Variants in CLVS1 observed in about 807,000 individuals in gnomAD.
CLVS1 encodes clavesin 1.
CLVS1 carries 10 observed loss-of-function variants against 33.1 expected under a neutral mutation model. The ratio of observed to expected loss-of-function variants is 0.30; its 90% CI spans 0.19 to 0.51. CLVS1 has a LOEUF of 0.51. CLVS1 is among the 20% of genes least tolerant of loss of function. The probability of loss-of-function intolerance (pLI) is 0.97; values close to 1 mark genes in which losing one functional copy is unlikely to be tolerated. For synonymous variants in CLVS1, 163 were observed against 166.1 expected (o/e 0.98, Z 0.14); for missense variants, 343 against 433.4 (o/e 0.79, Z 1.85).
chr8:61,387,481 TTTTTTTA>T (rs1377239306), intron 3 of CLVS1, among the ~76,000 whole-genome samples: 16 of 149,188 alleles, frequency 1.1e-4, no homozygotes, highest in African/African-American at 3.4e-4. Context: ...TTTTTTTTTT[TTTTTTTA>T]AATTTCAATA....
At chr8:61,094,466 T>C (rs973652824) in intron 1 of CLVS1, among the ~76,000 whole-genome samples, 12 of 152,208 alleles carry the variant, frequency 7.9e-5, no homozygotes, top group African/African-American at 2.9e-4. Context: ...AGGCTATTAA[T>C]ATTATCTTCT....
chr8:61,027,825 A>C, the CLVS1 span, among the ~76,000 whole-genome samples: 2 of 152,218 alleles, frequency 1.3e-5, no homozygotes, highest in Admixed American at 1.3e-4. Flanking sequence ...TATACTAAAT[A>C]TACTCACATG....
At chr8:61,264,471 C>T (rs1809267226) in intron 2 of CLVS1, among the ~76,000 whole-genome samples, 1 of 152,126 alleles carries the variant, frequency 6.6e-6, no homozygotes, top group African/African-American at 2.4e-5. Context: ...TGTCTTTTAA[C>T]AGCAGGAGTA....
chr8:61,215,010 C>T (rs1263554689), intron 2 of CLVS1, among the ~76,000 whole-genome samples: 2 of 152,112 alleles, frequency 1.3e-5, no homozygotes, highest in African/African-American at 4.8e-5. Flanking sequence ...AGCTGTAATT[C>T]CTATTGTGTA....
intron 2 of CLVS1, among the ~76,000 whole-genome samples, chr8:61,139,709 C>CGGTGG (rs1346483976): frequency 6.6e-6 from 1 of 152,060 alleles, no homozygotes; most frequent in Non-Finnish European, 1.5e-5. Flanking sequence ...TGCTTCCCCT[C>CGGTGG]GGTGGTCGGG....
chr8:61,301,995 A>G (rs1761477408), intron 2 of CLVS1, among the ~76,000 whole-genome samples: 1 of 152,064 alleles, frequency 6.6e-6, no homozygotes, highest in Admixed American at 6.6e-5. Flanking sequence ...TCACGGGGAG[A>G]CATGGGTTTA....
chr8:61,225,967 T>C (rs1224166870), intron 2 of CLVS1, among the ~76,000 whole-genome samples: 1 of 152,260 alleles, frequency 6.6e-6, no homozygotes, highest in African/African-American at 2.4e-5. Flanking sequence ...CTACTTCCAA[T>C]TATACCAGGA....
At chr8:61,249,149 G>A (rs1046514990) in intron 2 of CLVS1, among the ~76,000 whole-genome samples, 2 of 152,076 alleles carry the variant, frequency 1.3e-5, no homozygotes, top group Admixed American at 6.5e-5. Context: ...TCACTTATGA[G>A]TGAGAACATG....
intron 2 of CLVS1, among the ~76,000 whole-genome samples, chr8:61,243,720 C>T (rs183398355): frequency 2.8e-4 from 43 of 152,242 alleles, no homozygotes; most frequent in African/African-American, 1.0e-3. Context: ...TAAGGCTTCT[C>T]CCTGTCAAGC....
At chr8:61,181,443 A>G (rs950495907) in intron 2 of CLVS1, among the ~76,000 whole-genome samples, 1 of 152,192 alleles carries the variant, frequency 6.6e-6, no homozygotes, top group Non-Finnish European at 1.5e-5. Context: ...TTCCAATCAG[A>G]CTATCATTGA....
At chr8:61,001,807 C>T in the CLVS1 span, among the ~76,000 whole-genome samples, 1 of 152,368 alleles carries the variant, frequency 6.6e-6, no homozygotes, top group Non-Finnish European at 1.5e-5. Flanking sequence ...TCTGGCTCTG[C>T]ACTGCTGGGA....
chr8:61,238,336 C>T (rs1808613018), intron 2 of CLVS1, among the ~76,000 whole-genome samples: 1 of 151,890 alleles, frequency 6.6e-6, no homozygotes, highest in Non-Finnish European at 1.5e-5. Context: ...TCTTTCCCTC[C>T]CCTGCTTACT....
intron 1 of CLVS1, among the ~76,000 whole-genome samples, chr8:61,121,796 AT>A (rs143750678): frequency 0.012 from 1,818 of 152,322 alleles, 39 homozygotes; most frequent in East Asian, 0.088. Flanking sequence ...TTGGATGTAC[AT>A]TCTATGGCTC....
At chr8:61,469,614 T>C (rs532182791) in intron 5 of CLVS1, among the ~76,000 whole-genome samples, 127 of 152,304 alleles carry the variant, frequency 8.3e-4, no homozygotes, top group Middle Eastern at 3.4e-3. Context: ...TTTTATAGGG[T>C]GAATTTGTGC....
At chr8:61,193,853 A>G (rs1365779315) in intron 2 of CLVS1, among the ~76,000 whole-genome samples, 1 of 152,124 alleles carries the variant, frequency 6.6e-6, no homozygotes, top group Non-Finnish European at 1.5e-5. Flanking sequence ...ATTTAAGCAA[A>G]CATTGTGCTA....
intron 1 of CLVS1, among the ~76,000 whole-genome samples, chr8:61,084,586 G>A (rs1310330997): frequency 6.6e-6 from 1 of 152,204 alleles, no homozygotes; most frequent in African/African-American, 2.4e-5. Context: ...TCGTGCCAAG[G>A]TTGGGAAACT....
chr8:61,333,569 A>C (rs914882005), intron 2 of CLVS1, among the ~76,000 whole-genome samples: 3 of 152,200 alleles, frequency 2.0e-5, no homozygotes, highest in Non-Finnish European at 2.9e-5. Context: ...GTCAACTAAA[A>C]ACCAATCTGG....
the CLVS1 span, among the ~76,000 whole-genome samples, chr8:61,013,193 A>C: frequency 7.9e-5 from 12 of 151,306 alleles, no homozygotes; most frequent in African/African-American, 2.7e-4. Context: ...CCACATCCTG[A>C]CCCTCCCCCA....
chr8:61,101,307 T>A (rs1168153769), intron 1 of CLVS1, among the ~76,000 whole-genome samples: 1 of 152,198 alleles, frequency 6.6e-6, no homozygotes, highest in Non-Finnish European at 1.5e-5. Flanking sequence ...CATTTTAGTT[T>A]GCATTTCTTT....
Sources: gnomAD v4.1 joint callset for allele counts (sites outside exome capture counted in the v4.1 genomes callset) on GRCh38, gnomAD v4.1.1 for gene constraint, MANE v1.5 for transcripts, NCBI Gene and HGNC (gene_info 2026-07-23, HGNC 2026-07-21) for gene names.